The following WIPF3 variants were observed in gnomAD, a reference collection of about 807,000 sequenced individuals.
The protein encoded by WIPF3 is WAS/WASL interacting protein family member 3.
In WIPF3, 33 loss-of-function variants were observed where a neutral mutation model predicts 38.9. The observed-to-expected ratio is 0.85, with a 90% CI of 0.64 to 1.14. The LOEUF is 1.14. WIPF3 is among the 50% of genes most tolerant of loss of function. The probability of loss-of-function intolerance (pLI) is 0.00; values close to 1 mark genes in which losing one functional copy is unlikely to be tolerated. For synonymous variants in WIPF3, 324 were observed against 269.3 expected (o/e 1.20, Z -1.99); for missense variants, 711 against 652.5 (o/e 1.09, Z -0.98).
intron 2 of WIPF3, among the ~76,000 whole-genome samples, chr7:29,872,811 A>AAG (rs971787052): frequency 1.3e-5 from 2 of 150,192 alleles, no homozygotes; most frequent in African/African-American, 4.9e-5. Flanking sequence ...AAAAAAAAAA[A>AAG]AAAAAAAAAA....
At chr7:29,812,231 A>G (rs1784391003) in intron 1 of WIPF3, among the ~76,000 whole-genome samples, 1 of 152,212 alleles carries the variant, frequency 6.6e-6, no homozygotes, top group Admixed American at 6.5e-5. Flanking sequence ...ACTCCCGTAT[A>G]TATATCCAGA....
chr7:29,852,913 G>T (rs1785126594), intron 2 of WIPF3, among the ~76,000 whole-genome samples: 1 of 152,164 alleles, frequency 6.6e-6, no homozygotes, highest in African/African-American at 2.4e-5. Flanking sequence ...CTAACATTTT[G>T]CTGTCAGCAG....
chr7:29,867,962 G>T (rs1036061988), intron 2 of WIPF3, among the ~76,000 whole-genome samples: 21 of 152,304 alleles, frequency 1.4e-4, no homozygotes, highest in Admixed American at 5.9e-4. Context: ...TCACTGGTAA[G>T]AGAAAGTGGA....
chr7:29,808,043 C>T (rs775303437), intron 1 of WIPF3, among the ~76,000 whole-genome samples: 1 of 152,068 alleles, frequency 6.6e-6, no homozygotes, highest in Non-Finnish European at 1.5e-5. Context: ...CAGGTCAATA[C>T]CTGGACAGGA....
chr7:29,913,453 G>A (rs1260124167), intron 8 of WIPF3, among the ~76,000 whole-genome samples: 1 of 151,830 alleles, frequency 6.6e-6, no homozygotes, highest in Non-Finnish European at 1.5e-5. Flanking sequence ...AGAAGACTAT[G>A]GCTGATTTGT....
chr7:29,857,265 A>T lies in WIPF3; in HGVS notation c.91-18565A>T, dbSNP rs188640545. Among the ~76,000 whole-genome samples the T allele has an allele frequency of 5.9e-5, 9 of 152,268 alleles. No individual in the cohort carries two copies. In the East Asian group the frequency reaches 1.7e-3, roughly 29 times the overall value. Reference sequence around the variant, plus strand: ...TAGGGTAGTTAAACTTTGCTCCCCCATAATCTGGCATTTCAGAAGATAAAC... The same window carrying T: ...TAGGGTAGTTAAACTTTGCTCCCCCTTAATCTGGCATTTCAGAAGATAAAC... On this transcript the variant is annotated intron_variant, in intron 2 of 8. Transcript: ENST00000242140.
chr7:29,884,264 T>TAA lies in WIPF3; in HGVS notation c.770_771insAA (p.Pro258ThrfsTer117). On this transcript the variant is annotated frameshift_variant, in exon 5 of 9. Coordinates refer to ENST00000242140, the MANE Select transcript of WIPF3 (RefSeq NM_001080529.3). LOFTEE classifies it high-confidence loss of function. ...AAGCCTCAGCTGGCTCCCTTGCACC[T>TAA]CCCGCCCATCCCGCCCCCGCTCCCT... The TAA allele has an allele frequency of 1.5e-6, 2 of 1,315,280 alleles. No individual in the cohort carries two copies. Among genetic ancestry groups the TAA allele is most frequent in the Non-Finnish European group, 2.0e-6 (2 of 992,704 alleles). 81.5% of individuals were successfully genotyped at this position (1,315,280 alleles called of 1,614,324 possible). A position where few individuals can be genotyped will look rare whatever the true frequency, so the allele number is the denominator to read the frequency against.
At chr7:29,912,585 G>A in intron 8 of WIPF3, 1 of 214,140 alleles carries the variant, frequency 4.7e-6, no homozygotes, top group Non-Finnish European at 9.9e-6. Context: ...TGTGAGATGT[G>A]CCACTCTCTG....
In WIPF3 at chr7:29,861,167, A is replaced by T. The variant is rs1326190830; in HGVS notation, c.91-14663A>T. ...TCCTGAGCCTCACCATGGAAGTAAT[A>T]TATGGAAGTGTCTGGATTTCCCCCT... On this transcript the variant is annotated intron_variant, in intron 2 of 8. Coordinates refer to ENST00000242140, the MANE Select transcript of WIPF3 (RefSeq NM_001080529.3). Among the ~76,000 whole-genome samples the T allele has an allele frequency of 1.3e-5, 2 of 152,090 alleles. 1 individual carries two copies. Among genetic ancestry groups the T allele is most frequent in the Non-Finnish European group, 2.9e-5 (2 of 68,024 alleles).
At chr7:29,889,504 T>C (rs1351527503) in intron 7 of WIPF3, 97 bp downstream of exon 7, 3 of 889,804 alleles carry the variant, frequency 3.4e-6, no homozygotes, top group Non-Finnish European at 5.5e-6. Context: ...TAAAGGATGA[T>C]GTCATGATTT....
intron 1 of WIPF3, among the ~76,000 whole-genome samples, chr7:29,812,400 C>A (rs1051608618): frequency 6.6e-6 from 1 of 152,190 alleles, no homozygotes; most frequent in African/African-American, 2.4e-5. Context: ...ATCCATCCAT[C>A]TTCCTGCTTC....
intron 8 of WIPF3, among the ~76,000 whole-genome samples, chr7:29,906,382 CAAATG>C (rs1786397893): frequency 6.6e-6 from 1 of 152,024 alleles, no homozygotes; most frequent in South Asian, 2.1e-4. Context: ...AAAAATACAA[CAAATG>C]AAATGAAAAA....
At chr7:29,810,268 C>T (rs1321559735) in intron 1 of WIPF3, among the ~76,000 whole-genome samples, 1 of 152,214 alleles carries the variant, frequency 6.6e-6, no homozygotes, top group African/African-American at 2.4e-5. Flanking sequence ...CTGCTGTGGT[C>T]TTTTATCAAC....
intron 2 of WIPF3, 64 bp from the exon 3 acceptor site, chr7:29,875,766 C>T: frequency 1.3e-6 from 2 of 1,579,186 alleles, no homozygotes; most frequent in Non-Finnish European, 1.7e-6. Flanking sequence ...AAACTGACAG[C>T]AGACAGGACA....
Position 29,845,734 on chromosome 7 carries a change from T to C in WIPF3, c.90+10920T>C, listed in dbSNP as rs1006804760. Among the ~76,000 whole-genome samples the C allele has an allele frequency of 6.6e-5, 10 of 152,244 alleles. No homozygotes were observed. The East Asian group carries it at 1.5e-3, about 23-fold the overall frequency. On this transcript the variant is annotated intron_variant, in intron 2 of 8. Transcript: ENST00000242140. Reference sequence around the variant, plus strand: ...GTCGGATGAGGGATGAGGGAGGATCTTGGGGCCAATGGTCACAAAGCAGCT... The same window carrying C: ...GTCGGATGAGGGATGAGGGAGGATCCTGGGGCCAATGGTCACAAAGCAGCT...
intron 1 of WIPF3, among the ~76,000 whole-genome samples, chr7:29,821,738 A>G (rs1264343071): frequency 6.6e-6 from 1 of 152,198 alleles, no homozygotes; most frequent in African/African-American, 2.4e-5. Flanking sequence ...TTTGTCTTCC[A>G]TATCTAGCAG....
chr7:29,856,346 G>A (rs944174984), intron 2 of WIPF3, among the ~76,000 whole-genome samples: 1 of 152,156 alleles, frequency 6.6e-6, no homozygotes, highest in Non-Finnish European at 1.5e-5. Context: ...AAAATCTTCA[G>A]GCCAGGCACA....
In WIPF3 at chr7:29,888,171, G is replaced by A. The variant is rs761148146; in HGVS notation, c.1203G>A (p.Thr401=). The change falls in exon 6 of 9, where the codon ACG becomes ACA. Residue 401 remains threonine (T), a synonymous_variant. Coordinates refer to ENST00000242140, the MANE Select transcript of WIPF3 (RefSeq NM_001080529.3). ...KSQQATAWTP[T]QQPGGQLRNG... is the part of the protein sequence containing the mutation. ...AGCAGGCCACAGCCTGGACCCCGAC[G>A]CAGCAGCCTGGAGGTCAACTGCGAA... 21 of 1,612,934 alleles carry A rather than the reference G, an allele frequency of 1.3e-5. No individual in the cohort carries two copies. Among genetic ancestry groups the A allele is most frequent in the Middle Eastern group, 3.3e-4 (2 of 6,080 alleles).
At chr7:29,890,984 A>AT (rs1562787992) in intron 7 of WIPF3, among the ~76,000 whole-genome samples, 8 of 18,446 alleles carry the variant, frequency 4.3e-4, no homozygotes, top group Non-Finnish European at 4.4e-4. Context: ...GGAGGGGGCG[A>AT]GGGCCTGCCC....
Sources: allele counts gnomAD v4.1 joint callset (sites outside exome capture counted in the v4.1 genomes callset), GRCh38; gene constraint gnomAD v4.1.1; transcripts MANE v1.5; gene names NCBI Gene and HGNC (gene_info 2026-07-23, HGNC 2026-07-21).